The following ZNRF2 variants were observed in gnomAD, a reference collection of about 807,000 sequenced individuals.
The protein encoded by ZNRF2 is zinc and ring finger 2.
In ZNRF2, 16 loss-of-function variants were observed where a neutral mutation model predicts 20.4. That is an observed-to-expected ratio of 0.79 (90% CI 0.53 to 1.19). The LOEUF (loss-of-function observed/expected upper bound fraction) is 1.19. Among genes scored for constraint, ZNRF2 ranks in the 50% most tolerant of loss-of-function variants. The pLI is 0.00. For synonymous variants in ZNRF2, 178 were observed against 144.9 expected, an observed-to-expected ratio of 1.23 and a Z score of -1.64; for missense variants, 363 against 332.4, an observed-to-expected ratio of 1.09 and a Z score of -0.72.
At chr7:30,340,456 G>C (rs887645373) in intron 2 of ZNRF2, among the ~76,000 whole-genome samples, 1 of 152,124 alleles carries the variant, frequency 6.6e-6, no homozygotes, top group African/African-American at 2.4e-5. Flanking sequence ...TAGCATGAAG[G>C]GGTGTTGAAT....
At chr7:30,306,471 G>A (rs778178888) in intron 1 of ZNRF2, among the ~76,000 whole-genome samples, 2 of 152,064 alleles carry the variant, frequency 1.3e-5, no homozygotes, top group Non-Finnish European at 2.9e-5. Context: ...ATCTTTTATG[G>A]CAAATGAGCA....
At chr7:30,361,741 T>C (rs1459196450) in intron 3 of ZNRF2, among the ~76,000 whole-genome samples, 2 of 152,196 alleles carry the variant, frequency 1.3e-5, no homozygotes, top group Non-Finnish European at 2.9e-5. Flanking sequence ...TCAATAAATC[T>C]TAAATAACCA....
At chr7:30,357,575 A>G (rs1800060431) in intron 3 of ZNRF2, among the ~76,000 whole-genome samples, 1 of 152,190 alleles carries the variant, frequency 6.6e-6, no homozygotes, top group South Asian at 2.1e-4. Context: ...CAAAGAAAAT[A>G]GAAAAAAATA....
chr7:30,346,771 A>T, intron 2 of ZNRF2, among the ~76,000 whole-genome samples: 1 of 151,754 alleles, frequency 6.6e-6, no homozygotes, highest in East Asian at 1.9e-4. Flanking sequence ...TAGCCTAGGG[A>T]TTACTTTCTT....
intron 1 of ZNRF2, among the ~76,000 whole-genome samples, chr7:30,297,239 T>C (rs1799033791): frequency 6.6e-6 from 1 of 152,222 alleles, no homozygotes; most frequent in African/African-American, 2.4e-5. Context: ...AAAGTCTCTT[T>C]TGAGACCCTC....
intron 2 of ZNRF2, among the ~76,000 whole-genome samples, chr7:30,341,198 A>AT (rs35643950): frequency 2.2e-4 from 34 of 151,728 alleles, no homozygotes; most frequent in Admixed American, 9.8e-4. Flanking sequence ...GGATTCATTG[A>AT]TTTTTTTTGG....
chr7:30,338,534 TC>T (rs765985066), intron 2 of ZNRF2, among the ~76,000 whole-genome samples: 2 of 151,680 alleles, frequency 1.3e-5, no homozygotes, highest in Non-Finnish European at 2.9e-5. Context: ...TGTTTGGTTT[TC>T]TGTTCCTGTG....
intron 1 of ZNRF2, among the ~76,000 whole-genome samples, chr7:30,301,352 A>C (rs1049302555): frequency 6.6e-6 from 1 of 152,092 alleles, no homozygotes; most frequent in Admixed American, 6.5e-5. Context: ...GTGTGGTGGC[A>C]CACACCTGTA....
chr7:30,367,405 C>T lies in ZNRF2; in HGVS notation c.*1393C>T, dbSNP rs1048657453. The T allele has an allele frequency of 1.3e-5, 2 of 152,096 alleles. No individual in the cohort carries two copies. Among genetic ancestry groups the T allele is most frequent in the Non-Finnish European group, 2.9e-5 (2 of 67,820 alleles). 9.4% of individuals were successfully genotyped at this position (152,096 alleles called of 1,614,324 possible). A position where few individuals can be genotyped will look rare whatever the true frequency, so the allele number is the denominator to read the frequency against. On this transcript the variant is annotated 3_prime_UTR_variant, in exon 5 of 5. Transcript: ENST00000323037. Reference sequence around the variant, plus strand: ...CGATAAGTAGGTTTTGTGTTTTCAACGTAGGGAAAATGTTATCAGTGAATA... The same window carrying T: ...CGATAAGTAGGTTTTGTGTTTTCAATGTAGGGAAAATGTTATCAGTGAATA...
chr7:30,347,013 G>A (rs1195252056), intron 2 of ZNRF2, among the ~76,000 whole-genome samples: 1 of 151,886 alleles, frequency 6.6e-6, no homozygotes, highest in African/African-American at 2.4e-5. Context: ...TTCATTCTAG[G>A]AATTTTTACT....
At chr7:30,324,067 GAC>G (rs888088990) in intron 2 of ZNRF2, among the ~76,000 whole-genome samples, 1 of 152,000 alleles carries the variant, frequency 6.6e-6, no homozygotes, top group Admixed American at 6.6e-5. Flanking sequence ...AATTTTCTAA[GAC>G]AAAATATTTA....
At chr7:30,327,744 T>C (rs1267061889) in intron 2 of ZNRF2, among the ~76,000 whole-genome samples, 1 of 151,948 alleles carries the variant, frequency 6.6e-6, no homozygotes, top group Non-Finnish European at 1.5e-5. Context: ...GGGCTGGAGC[T>C]CAGTGGCTAT....
chr7:30,315,655 G>A (rs1403538765), intron 1 of ZNRF2, among the ~76,000 whole-genome samples: 1 of 140,194 alleles, frequency 7.1e-6, no homozygotes, highest in East Asian at 2.2e-4. Context: ...TAGGTACACA[G>A]TGTGAAACTT....
intron 2 of ZNRF2, among the ~76,000 whole-genome samples, chr7:30,355,454 C>G (rs946639215): frequency 1.3e-5 from 2 of 152,066 alleles, no homozygotes; most frequent in Non-Finnish European, 2.9e-5. Flanking sequence ...AGAGCAAAAT[C>G]TGCCCAATTT....
intron 2 of ZNRF2, among the ~76,000 whole-genome samples, chr7:30,346,208 C>T (rs1251859636): frequency 5.1e-4 from 24 of 47,228 alleles, no homozygotes; most frequent in African/African-American, 9.6e-4. Context: ...TTTTTTTGTG[C>T]GTGTGGTGGC....
At chr7:30,336,926 G>A (rs997876970) in intron 2 of ZNRF2, among the ~76,000 whole-genome samples, 5 of 152,114 alleles carry the variant, frequency 3.3e-5, no homozygotes, top group African/African-American at 1.2e-4. Flanking sequence ...GAAAACATGC[G>A]TGTATGTGGG....
At position 30,330,598 on chromosome 7, in the gene ZNRF2, G is replaced by C. The variant is rs11980325; in HGVS notation, c.565+6861G>C. On this transcript the variant is annotated intron_variant, in intron 2 of 4. Transcript: ENST00000323037. ...AGGAAAGAGCATATTTTTTCCCACT[G>C]TAGATATAATCTGGTCTTCCAGGGA... Among the ~76,000 whole-genome samples, 232 of 152,134 alleles carry C rather than the reference G, an allele frequency of 1.5e-3. 1 individual carries two copies. Among genetic ancestry groups the C allele is most frequent in the African/African-American group, 5.5e-3 (227 of 41,510 alleles).
chr7:30,307,140 G>A (rs1039472227), intron 1 of ZNRF2, among the ~76,000 whole-genome samples: 2 of 151,580 alleles, frequency 1.3e-5, no homozygotes, highest in East Asian at 1.9e-4. Context: ...GACTTCAGAC[G>A]GTCTCTGTGG....
At chr7:30,299,102 G>A (rs1235255407) in intron 1 of ZNRF2, among the ~76,000 whole-genome samples, 2 of 151,520 alleles carry the variant, frequency 1.3e-5, no homozygotes, top group African/African-American at 4.9e-5. Flanking sequence ...TTTTTTAATT[G>A]CAGAAGAAAT....
Sources: gnomAD v4.1 joint callset for allele counts (sites outside exome capture counted in the v4.1 genomes callset) on GRCh38, gnomAD v4.1.1 for gene constraint, MANE v1.5 for transcripts, NCBI Gene and HGNC (gene_info 2026-07-23, HGNC 2026-07-21) for gene names.